The following KLF13 variants were observed in gnomAD, a reference collection of about 807,000 sequenced individuals.
KLF13 encodes KLF transcription factor 13, also known as Krueppel-like factor 13.
Under a neutral mutation model 16.7 loss-of-function variants are expected in KLF13, and 8 were observed. That is an observed-to-expected ratio of 0.48 (90% CI 0.28 to 0.87). The LOEUF (loss-of-function observed/expected upper bound fraction) is 0.87. Among genes scored for constraint, KLF13 ranks in the 40% least tolerant of loss-of-function variants. KLF13 has a pLI of 0.10. For synonymous variants in KLF13, 245 were observed against 208.4 expected (o/e 1.18, Z -1.51); for missense variants, 447 against 452.2 (o/e 0.99, Z 0.10).
chr15:31,336,457 T>A (rs1359025679), intron 1 of KLF13, among the ~76,000 whole-genome samples: 1 of 152,172 alleles, frequency 6.6e-6, no homozygotes, highest in Non-Finnish European at 1.5e-5. Flanking sequence ...TGAGAGTCCT[T>A]CTTGGGCCAC....
intron 2 of KLF13, among the ~76,000 whole-genome samples, chr15:31,396,431 A>G (rs1430087816): frequency 6.6e-6 from 1 of 152,196 alleles, no homozygotes; most frequent in African/African-American, 2.4e-5. Flanking sequence ...TGCTGGGATT[A>G]CAGGCTTGAG....
downstream of KLF13, among the ~76,000 whole-genome samples, chr15:31,379,329 G>A (rs1462309305): frequency 6.6e-6 from 1 of 152,098 alleles, no homozygotes; most frequent in Admixed American, 6.5e-5. Context: ...CCACTGCTCC[G>A]CCTTCTCAGA....
At chr15:31,362,463 A>C (rs967969813) in intron 1 of KLF13, among the ~76,000 whole-genome samples, 6 of 152,166 alleles carry the variant, frequency 3.9e-5, no homozygotes, top group African/African-American at 1.4e-4. Flanking sequence ...TTGTTATTTT[A>C]AGAGAGCTCT....
chr15:31,432,333 G>A (rs2040482884), intron 1 of KLF13, among the ~76,000 whole-genome samples: 1 of 151,848 alleles, frequency 6.6e-6, no homozygotes, highest in African/African-American at 2.4e-5. Context: ...CCAGCCAACC[G>A]GGCCACACCT....
intron 1 of KLF13, among the ~76,000 whole-genome samples, chr15:31,329,899 C>T (rs895888229): frequency 1.3e-5 from 2 of 152,162 alleles, no homozygotes; most frequent in East Asian, 1.9e-4. Context: ...GATTTCCGGG[C>T]CCCTGATGCC....
intron 1 of KLF13, among the ~76,000 whole-genome samples, chr15:31,362,158 A>T (rs1278160102): frequency 6.6e-6 from 1 of 152,168 alleles, no homozygotes; most frequent in Non-Finnish European, 1.5e-5. Context: ...GGGGCTTCTG[A>T]CGTGGAATTA....
chr15:31,402,235 G>T (rs1457466620), intron 2 of KLF13, among the ~76,000 whole-genome samples: 1 of 152,184 alleles, frequency 6.6e-6, no homozygotes, highest in South Asian at 2.1e-4. Flanking sequence ...TACATGGATG[G>T]AGAGCCCTCT....
At chr15:31,332,594 C>T (rs1374340462) in intron 1 of KLF13, among the ~76,000 whole-genome samples, 1 of 152,210 alleles carries the variant, frequency 6.6e-6, no homozygotes, top group African/African-American at 2.4e-5. Flanking sequence ...TAGCCTGTGT[C>T]TGGGGCTTCA....
At chr15:31,341,432 A>G (rs1207425114) in intron 1 of KLF13, among the ~76,000 whole-genome samples, 2 of 151,812 alleles carry the variant, frequency 1.3e-5, no homozygotes, top group Non-Finnish European at 2.9e-5. Flanking sequence ...GTTCATGGGT[A>G]CCTAAATGAA....
intron 2 of KLF13, among the ~76,000 whole-genome samples, chr15:31,397,155 A>C (rs2039962980): frequency 6.7e-6 from 1 of 148,958 alleles, no homozygotes; most frequent in South Asian, 2.1e-4. Context: ...CCCAGGCGGA[A>C]ATGGGCAAAG....
chr15:31,413,206 AAAAC>A (rs1555382487), intron 1 of KLF13, among the ~76,000 whole-genome samples: 4 of 145,514 alleles, frequency 2.7e-5, no homozygotes, highest in South Asian at 2.2e-4. Context: ...AAAAAAACAA[AAAAC>A]AAAAAAACCA....
upstream of KLF13, among the ~76,000 whole-genome samples, chr15:31,391,991 G>C (rs1029605028): frequency 1.2e-3 from 185 of 152,174 alleles, 1 homozygote; most frequent in African/African-American, 4.3e-3. Context: ...GGAGCCCTCG[G>C]CTGGGCGGGC....
chr15:31,405,820 C>T (rs1158669656), downstream of KLF13, among the ~76,000 whole-genome samples: 4 of 152,088 alleles, frequency 2.6e-5, no homozygotes, highest in East Asian at 5.8e-4. Flanking sequence ...CATCTGTGTA[C>T]ATGATAGGCA....
intron 1 of KLF13, among the ~76,000 whole-genome samples, chr15:31,387,711 G>C (rs1338167962): frequency 6.6e-6 from 1 of 152,226 alleles, no homozygotes; most frequent in East Asian, 1.9e-4. Context: ...CTGTGACATG[G>C]TTCACAGATG....
At position 31,400,874 on chromosome 15, in the gene KLF13, G is replaced by A. The variant is rs566939526; in HGVS notation, n.530-2554G>A. On this transcript the variant is annotated intron_variant and non_coding_transcript_variant, in intron 2 of 2. Transcript: ENST00000500533. ...CGATGGCTGTGACATGTGGGAGAGA[G>A]GGGCAAGATAAGCTGACCCCGAGAT... Among the ~76,000 whole-genome samples the A allele has an allele frequency of 5.9e-5, 9 of 152,264 alleles. No homozygotes were observed. The South Asian group carries it at 1.5e-3, about 25-fold the overall frequency.
chr15:31,350,820 C>A (rs891489145), intron 1 of KLF13, among the ~76,000 whole-genome samples: 1 of 152,242 alleles, frequency 6.6e-6, no homozygotes, highest in African/African-American at 2.4e-5. Flanking sequence ...TCTTGAGGTG[C>A]GCCCATGGCC....
chr15:31,378,315 A>G (rs1297734758), downstream of KLF13, among the ~76,000 whole-genome samples: 2 of 152,056 alleles, frequency 1.3e-5, no homozygotes, highest in East Asian at 3.8e-4. Context: ...CTCAGCCTAG[A>G]GTCTAGAAAA....
At chr15:31,340,303 A>G (rs2038999819) in intron 1 of KLF13, among the ~76,000 whole-genome samples, 1 of 152,234 alleles carries the variant, frequency 6.6e-6, no homozygotes, top group South Asian at 2.1e-4. Flanking sequence ...TCAGCACCAA[A>G]AAAGATGTTC....
intron 1 of KLF13, among the ~76,000 whole-genome samples, chr15:31,419,144 A>C (rs2141006881): frequency 6.6e-6 from 1 of 152,240 alleles, no homozygotes; most frequent in South Asian, 2.1e-4. Flanking sequence ...AGGCCCCCAG[A>C]ATCCCTAGCT....
Sources: allele counts gnomAD v4.1 joint callset (sites outside exome capture counted in the v4.1 genomes callset), GRCh38; gene constraint gnomAD v4.1.1; transcripts MANE v1.5; gene names NCBI Gene and HGNC (gene_info 2026-07-23, HGNC 2026-07-21).